Variants in CAMK2D observed in about 807,000 individuals in gnomAD.
CAMK2D encodes the protein calcium/calmodulin dependent protein kinase II delta, also known as calcium/calmodulin-dependent protein kinase type II subunit delta.
CAMK2D carries 37 observed loss-of-function variants against 84.0 expected under a neutral mutation model. The ratio of observed to expected loss-of-function variants is 0.44; its 90% CI spans 0.34 to 0.58. The LOEUF (loss-of-function observed/expected upper bound fraction) is 0.58, where lower values mean the gene tolerates loss of function less well. Among genes scored for constraint, CAMK2D ranks in the 20% least tolerant of loss-of-function variants. CAMK2D has a pLI of 0.02. For synonymous variants in CAMK2D, 202 were observed against 212.5 expected (o/e 0.95, Z 0.43); for missense variants, 448 against 652.5 (o/e 0.69, Z 3.41).
chr4:113,561,528 A>T (rs1479934761), intron 4 of CAMK2D, among the ~76,000 whole-genome samples: 1 of 152,172 alleles, frequency 6.6e-6, no homozygotes, highest in Non-Finnish European at 1.5e-5. Flanking sequence ...TGTGCTCAAC[A>T]TTCTTTTTGG....
chr4:113,475,017 G>A (rs1312918698), intron 16 of CAMK2D, among the ~76,000 whole-genome samples: 1 of 152,208 alleles, frequency 6.6e-6, no homozygotes, highest in East Asian at 1.9e-4. Flanking sequence ...TAAAAAGTGA[G>A]AATGGTTAAA....
At chr4:113,508,244 G>A (rs760368561) in intron 13 of CAMK2D, 2 of 1,550,074 alleles carry the variant, frequency 1.3e-6, no homozygotes, top group Non-Finnish European at 1.7e-6. Context: ...ACCATCATCT[G>A]AACACTCGAA....
chr4:113,610,471 C>T (rs2098995434), intron 3 of CAMK2D, among the ~76,000 whole-genome samples: 1 of 152,150 alleles, frequency 6.6e-6, no homozygotes, highest in Non-Finnish European at 1.5e-5. Context: ...ATTATTTATA[C>T]AAGGAGACTG....
At chr4:113,752,202 G>T (rs958901150) in intron 2 of CAMK2D, among the ~76,000 whole-genome samples, 21 of 151,382 alleles carry the variant, frequency 1.4e-4, no homozygotes, top group Non-Finnish European at 2.9e-4. Flanking sequence ...GGCTTATTGG[G>T]TGCTTATTGT....
intron 4 of CAMK2D, among the ~76,000 whole-genome samples, chr4:113,566,114 G>A (rs1286641332): frequency 2.6e-5 from 4 of 152,168 alleles, no homozygotes; most frequent in African/African-American, 4.8e-5. Context: ...GAAGGCTGAA[G>A]AGAAGAAACG....
intron 5 of CAMK2D, among the ~76,000 whole-genome samples, chr4:113,548,085 C>T (rs1376598437): frequency 1.3e-5 from 2 of 152,186 alleles, no homozygotes; most frequent in Non-Finnish European, 2.9e-5. Flanking sequence ...TCCCTTTTCT[C>T]TCCCATTTTT....
At chr4:113,576,240 A>G (rs2098781524) in intron 4 of CAMK2D, among the ~76,000 whole-genome samples, 1 of 152,098 alleles carries the variant, frequency 6.6e-6, no homozygotes, top group East Asian at 1.9e-4. Context: ...AAAAACACAT[A>G]ATAGACTGAA....
At chr4:113,618,390 A>G (rs543755457) in intron 3 of CAMK2D, among the ~76,000 whole-genome samples, 1 of 152,272 alleles carries the variant, frequency 6.6e-6, no homozygotes, top group Admixed American at 6.5e-5. Context: ...ATCTTATTAG[A>G]TCATCTTCTC....
At chr4:113,510,760 T>G (rs1469934260) in intron 12 of CAMK2D, among the ~76,000 whole-genome samples, 1 of 152,162 alleles carries the variant, frequency 6.6e-6, no homozygotes, top group East Asian at 1.9e-4. Context: ...GAACATGTAA[T>G]TTCCTGACAT....
chr4:113,676,775 A>C (rs977047546), intron 2 of CAMK2D, among the ~76,000 whole-genome samples: 1 of 152,178 alleles, frequency 6.6e-6, no homozygotes, highest in Non-Finnish European at 1.5e-5. Flanking sequence ...ACCTTGCTAA[A>C]ATAGCTCTTG....
At chr4:113,626,458 A>C (rs2099068667) in intron 3 of CAMK2D, among the ~76,000 whole-genome samples, 1 of 152,228 alleles carries the variant, frequency 6.6e-6, no homozygotes, top group African/African-American at 2.4e-5. Flanking sequence ...AATTGTTATT[A>C]AACATTTGTT....
At position 113,639,359 on chromosome 4, in the gene CAMK2D, T is replaced by A. The variant is rs143169681; in HGVS notation, c.220+22354A>T. Among the ~76,000 whole-genome samples, 972 of 152,262 alleles carry A rather than the reference T, an allele frequency of 6.4e-3. 17 individuals are homozygous for A. Among genetic ancestry groups the A allele is most frequent in the African/African-American group, 0.022 (932 of 41,550 alleles). On this transcript the variant is annotated intron_variant, in intron 3 of 20. Transcript: ENST00000511664. ...ACTCTGTGCTGGATCTAATGACAATTTGTTTGCTAGGCCCTGAAGATAAAA... is the reference window on the plus strand; with the variant it reads ...ACTCTGTGCTGGATCTAATGACAATATGTTTGCTAGGCCCTGAAGATAAAA...
intron 2 of CAMK2D, among the ~76,000 whole-genome samples, chr4:113,723,121 C>T (rs1263125464): frequency 6.6e-6 from 1 of 150,818 alleles, no homozygotes; most frequent in Non-Finnish European, 1.5e-5. Context: ...TTTTGAGTTT[C>T]AAAAAAATTA....
intron 3 of CAMK2D, among the ~76,000 whole-genome samples, chr4:113,635,643 A>C (rs1349098847): frequency 6.6e-6 from 1 of 152,206 alleles, no homozygotes; most frequent in East Asian, 1.9e-4. Flanking sequence ...ACTTGTACTT[A>C]ACCCTTACAA....
At chr4:113,581,529 A>AAAAAAAAAAAAAG (rs373642282) in intron 4 of CAMK2D, among the ~76,000 whole-genome samples, 4 of 121,872 alleles carry the variant, frequency 3.3e-5, no homozygotes, top group African/African-American at 1.3e-4. Flanking sequence ...AAAAAAAAAA[A>AAAAAAAAAAAAAG]AAAAGAAAAG....
At chr4:113,568,235 C>T (rs1220113173) in intron 4 of CAMK2D, among the ~76,000 whole-genome samples, 2 of 152,148 alleles carry the variant, frequency 1.3e-5, no homozygotes, top group African/African-American at 2.4e-5. Flanking sequence ...TATCCATTCC[C>T]CCTCTCCTCC....
intron 17 of CAMK2D, among the ~76,000 whole-genome samples, 163 bp downstream of exon 17, chr4:113,465,366 T>A (rs2097445553): frequency 6.6e-6 from 1 of 152,032 alleles, no homozygotes; most frequent in Non-Finnish European, 1.5e-5. Flanking sequence ...TTCTCTGAAA[T>A]TTTTCTCTCC....
At chr4:113,465,402 T>C in intron 17 of CAMK2D, 127 bp downstream of exon 17, 1 of 625,772 alleles carries the variant, frequency 1.6e-6, no homozygotes, top group Non-Finnish European at 2.8e-6. Context: ...ATTTATGAAA[T>C]AAAACTATTG....
chr4:113,618,947 A>C (rs1029808936), intron 3 of CAMK2D, among the ~76,000 whole-genome samples: 2 of 152,216 alleles, frequency 1.3e-5, no homozygotes, highest in Non-Finnish European at 2.9e-5. Flanking sequence ...AAAGTAAAGA[A>C]TAATTATCTA....
Sources: allele counts gnomAD v4.1 joint callset (sites outside exome capture counted in the v4.1 genomes callset), GRCh38; gene constraint gnomAD v4.1.1; transcripts MANE v1.5; gene names NCBI Gene and HGNC (gene_info 2026-07-23, HGNC 2026-07-21).